Variants in WWOX observed in about 807,000 individuals in gnomAD.
WWOX encodes WW domain-containing oxidoreductase.
WWOX carries 69 observed loss-of-function variants against 46.2 expected under a neutral mutation model. The observed-to-expected ratio is 1.49, with a 90% CI of 1.23 to 1.82. WWOX has a LOEUF of 1.82. Ranked by LOEUF, WWOX falls within the 40% of genes most tolerant of loss-of-function variation. The pLI is 0.00. For synonymous variants in WWOX, 359 were observed against 202.6 expected (o/e 1.77, Z -6.56); for missense variants, 919 against 542.6 (o/e 1.69, Z -6.89).
At chr16:79,145,422 G>C (rs189702606) in intron 8 of WWOX, among the ~76,000 whole-genome samples, 1 of 152,012 alleles carries the variant, frequency 6.6e-6, no homozygotes, top group Non-Finnish European at 1.5e-5. Flanking sequence ...GGCTGGTCTC[G>C]ATCTCCTAGG....
At chr16:78,312,478 A>G (rs2080266817) in intron 5 of WWOX, among the ~76,000 whole-genome samples, 1 of 150,734 alleles carries the variant, frequency 6.6e-6, no homozygotes, top group African/African-American at 2.4e-5. Context: ...CCTGTGTTCA[A>G]GCAGTTCTGC....
chr16:78,456,576 T>C (rs1173866825), intron 8 of WWOX, among the ~76,000 whole-genome samples: 1 of 152,234 alleles, frequency 6.6e-6, no homozygotes, highest in East Asian at 1.9e-4. Flanking sequence ...TAATTTGAAG[T>C]ATTTTTTTCT....
intron 6 of WWOX, among the ~76,000 whole-genome samples, chr16:78,419,877 A>G (rs1003746026): frequency 3.9e-5 from 6 of 152,122 alleles, no homozygotes; most frequent in African/African-American, 1.4e-4. Context: ...TGGGGGAAAT[A>G]CTTACAAATT....
At chr16:78,502,206 C>T (rs767863431) in intron 8 of WWOX, among the ~76,000 whole-genome samples, 1 of 152,144 alleles carries the variant, frequency 6.6e-6, no homozygotes, top group Non-Finnish European at 1.5e-5. Context: ...AATGTGCCTA[C>T]CATATAATTC....
At chr16:78,819,830 C>T (rs996461714) in intron 8 of WWOX, among the ~76,000 whole-genome samples, 3 of 152,198 alleles carry the variant, frequency 2.0e-5, no homozygotes, top group African/African-American at 4.8e-5. Flanking sequence ...TAAGAGCTTA[C>T]GTGTTTGCGC....
chr16:79,089,690 A>G (rs2048919123), intron 8 of WWOX, among the ~76,000 whole-genome samples: 1 of 152,130 alleles, frequency 6.6e-6, no homozygotes, highest in Non-Finnish European at 1.5e-5. Flanking sequence ...TGCACTAGAG[A>G]AATGTTTTCC....
chr16:78,163,410 G>T (rs980184899), intron 4 of WWOX, among the ~76,000 whole-genome samples: 2 of 152,176 alleles, frequency 1.3e-5, no homozygotes, highest in Admixed American at 6.5e-5. Context: ...TGTGTTTACC[G>T]TGGCCCTTTC....
intron 8 of WWOX, among the ~76,000 whole-genome samples, chr16:78,893,507 G>A (rs972176894): frequency 1.3e-5 from 2 of 152,134 alleles, no homozygotes; most frequent in African/African-American, 4.8e-5. Flanking sequence ...AGAAGGGTGA[G>A]GTCACTGCCT....
chr16:79,177,473 C>A (rs1190098901), intron 8 of WWOX, among the ~76,000 whole-genome samples: 1 of 152,108 alleles, frequency 6.6e-6, no homozygotes, highest in Non-Finnish European at 1.5e-5. Flanking sequence ...TAAAAGCAAC[C>A]CAACAAAGCT....
rs555457823 is a variant in WWOX at position 78,903,038 on chromosome 16, A to C, written c.1057-308570A>C. Among the ~76,000 whole-genome samples the C allele has an allele frequency of 1.9e-3, 285 of 152,340 alleles. 1 individual carries two copies. The highest frequency in any genetic ancestry group is 6.6e-3 in the African/African-American group (275 of 41,588). The stretch of plus-strand genomic sequence containing the variant: ...AGAAATAGTTGGACAAAATGCACAA[A>C]CAAAGCAAGAGAAGAATGAAGCAAC... On this transcript the variant is annotated intron_variant, in intron 8 of 8. Coordinates refer to ENST00000566780, the MANE Select transcript of WWOX (RefSeq NM_016373.4).
At chr16:78,139,760 T>C (rs2151706092) in intron 4 of WWOX, among the ~76,000 whole-genome samples, 1 of 152,328 alleles carries the variant, frequency 6.6e-6, no homozygotes, top group South Asian at 2.1e-4. Flanking sequence ...AAGACATATT[T>C]ATGCATAATT....
intron 8 of WWOX, among the ~76,000 whole-genome samples, chr16:78,523,917 A>C (rs2043402429): frequency 6.6e-6 from 1 of 152,200 alleles, no homozygotes; most frequent in South Asian, 2.1e-4. Context: ...CATTTTAAGA[A>C]ATACCAGTGA....
At chr16:78,669,509 T>G (rs757514661) in intron 8 of WWOX, among the ~76,000 whole-genome samples, 4 of 152,180 alleles carry the variant, frequency 2.6e-5, no homozygotes, top group Admixed American at 6.5e-5. Context: ...GTGCTGACTA[T>G]CCTACAATCC....
At chr16:79,073,818 T>G (rs192902464) in intron 8 of WWOX, among the ~76,000 whole-genome samples, 93 of 152,326 alleles carry the variant, frequency 6.1e-4, no homozygotes, top group Non-Finnish European at 1.1e-3. Flanking sequence ...AGAGTCAACC[T>G]TTAGAAAAGT....
At chr16:78,711,174 C>G (rs762772404) in intron 8 of WWOX, among the ~76,000 whole-genome samples, 5 of 152,092 alleles carry the variant, frequency 3.3e-5, no homozygotes, top group African/African-American at 9.7e-5. Context: ...CTAGTCTGGC[C>G]TTTGTATAAT....
intron 8 of WWOX, among the ~76,000 whole-genome samples, chr16:78,855,609 G>C (rs2052547527): frequency 6.6e-6 from 1 of 152,204 alleles, no homozygotes; most frequent in African/African-American, 2.4e-5. Flanking sequence ...TAGCCCATCA[G>C]ATTCTAGAGC....
Position 78,644,712 on chromosome 16 carries a change from C to T in WWOX, c.1056+211960C>T, listed in dbSNP as rs182066398. On this transcript the variant is annotated intron_variant, in intron 8 of 8. Transcript: ENST00000566780. ...TCCTGAACTCAAGTGATCTGCCCGCCTTTGCCTCCCAAAGTGCTGGGATTA... is the reference window on the plus strand; with the variant it reads ...TCCTGAACTCAAGTGATCTGCCCGCTTTTGCCTCCCAAAGTGCTGGGATTA... Among the ~76,000 whole-genome samples, 225 of 152,306 alleles carry T rather than the reference C, an allele frequency of 1.5e-3. 1 individual carries two copies. Among genetic ancestry groups the T allele is most frequent in the African/African-American group, 5.0e-3 (207 of 41,572 alleles).
At chr16:78,297,265 CTT>C (rs2079958360) in intron 5 of WWOX, among the ~76,000 whole-genome samples, 1 of 152,186 alleles carries the variant, frequency 6.6e-6, no homozygotes, top group Non-Finnish European at 1.5e-5. Context: ...TTCTGCACAG[CTT>C]TGATCTTTGC....
intron 8 of WWOX, among the ~76,000 whole-genome samples, chr16:78,737,253 C>T (rs1012410722): frequency 6.6e-6 from 1 of 151,654 alleles, no homozygotes; most frequent in Non-Finnish European, 1.5e-5. Context: ...GCGCCCGCCA[C>T]CATACTTCGC....
Sources: gnomAD v4.1 joint callset for allele counts (sites outside exome capture counted in the v4.1 genomes callset) on GRCh38, gnomAD v4.1.1 for gene constraint, MANE v1.5 for transcripts, NCBI Gene and HGNC (gene_info 2026-07-23, HGNC 2026-07-21) for gene names.